AFF3: variants seen among roughly 807,000 people sequenced by gnomAD.
AFF3 encodes the protein ALF transcription elongation factor 3.
Under a neutral mutation model 129.7 loss-of-function variants are expected in AFF3, and 32 were observed. The observed-to-expected ratio is 0.25, with a 90% CI of 0.19 to 0.33. The LOEUF (loss-of-function observed/expected upper bound fraction) is 0.33. AFF3 is among the 10% of genes least tolerant of loss of function. The pLI, the probability that AFF3 is intolerant of heterozygous loss-of-function variation, is 1.00. For missense variants in AFF3, 1,373 were observed against 1,592.0 expected (o/e 0.86, Z 2.34); for synonymous variants, 644 against 635.4 (o/e 1.01, Z -0.20).
chr2:99,998,330 A>G (rs1681045233), intron 7 of AFF3, among the ~76,000 whole-genome samples: 1 of 152,138 alleles, frequency 6.6e-6, no homozygotes, highest in African/African-American at 2.4e-5. Context: ...GCACCCCAGG[A>G]GGGCACCATC....
chr2:99,599,324 T>G (rs1017032921), intron 14 of AFF3, among the ~76,000 whole-genome samples: 1 of 152,230 alleles, frequency 6.6e-6, no homozygotes, highest in Non-Finnish European at 1.5e-5. Flanking sequence ...AGTGGTGTGA[T>G]CTTGGCTCAC....
intron 8 of AFF3, 60 bp from the exon 9 acceptor site, chr2:99,752,361 T>C: frequency 1.4e-6 from 2 of 1,448,136 alleles, no homozygotes; most frequent in African/African-American, 1.4e-5. Flanking sequence ...AAATCAGCGG[T>C]ATGTAAAGCA....
At chr2:100,066,742 C>G (rs1687751466) in intron 4 of AFF3, among the ~76,000 whole-genome samples, 1 of 152,204 alleles carries the variant, frequency 6.6e-6, no homozygotes, top group Non-Finnish European at 1.5e-5. Context: ...TCTCTTCCAT[C>G]TTAGTTATAT....
chr2:100,022,619 C>A (rs1683688239), intron 4 of AFF3, among the ~76,000 whole-genome samples: 1 of 152,062 alleles, frequency 6.6e-6, no homozygotes, highest in South Asian at 2.1e-4. Flanking sequence ...GCCATGTTAG[C>A]CAGGCTGGTC....
In AFF3 at chr2:99,594,007, C is replaced by A. The variant is rs1289904713; in HGVS notation, c.1654G>T (p.Ala552Ser). 1.3e-6 allele frequency: 2 copies of A among 1,559,354 alleles called. No individual in the cohort carries two copies. The highest frequency in any genetic ancestry group is 2.7e-5 in the African/African-American group (2 of 72,948). Residue 552 changes from alanine to serine, a missense_variant, in exon 15 of 25, where the codon GCG (alanine) becomes TCG (serine). Ala to Ser is a moderately conservative substitution (Grantham distance 99, BLOSUM62 1). Transcript: ENST00000672756. ...GCGCTCACCGCCACGGCCACGGCCG[C>A]GGGCGGGGACTTCTGCTTCACGCCT... ...SKGVKQKSPP[A>S]AVAVAVSAAA...
At chr2:99,792,786 T>C (rs1160273064) in intron 8 of AFF3, among the ~76,000 whole-genome samples, 2 of 152,236 alleles carry the variant, frequency 1.3e-5, no homozygotes, top group Non-Finnish European at 2.9e-5. Context: ...TTTTTGTACG[T>C]TAAACCTTCT....
intron 8 of AFF3, among the ~76,000 whole-genome samples, chr2:99,816,798 G>A (rs570264113): frequency 3.3e-5 from 5 of 152,056 alleles, no homozygotes; most frequent in Admixed American, 2.6e-4. Flanking sequence ...CAGATATACC[G>A]TAATGTTAGG....
chr2:99,783,331 G>A (rs1684541791), intron 8 of AFF3, among the ~76,000 whole-genome samples: 1 of 152,196 alleles, frequency 6.6e-6, no homozygotes, highest in Admixed American at 6.5e-5. Context: ...TCTAGAGCCT[G>A]CCTATCCCAA....
chr2:100,092,361 G>A (rs910980534), intron 4 of AFF3, among the ~76,000 whole-genome samples: 71 of 151,990 alleles, frequency 4.7e-4, no homozygotes, highest in African/African-American at 1.5e-3. Context: ...CATCCTCACC[G>A]GCCCAGGCTA....
At chr2:99,624,309 T>C (rs935969969) in intron 13 of AFF3, among the ~76,000 whole-genome samples, 4 of 152,150 alleles carry the variant, frequency 2.6e-5, no homozygotes, top group Non-Finnish European at 5.9e-5. Context: ...TACAGAAAGC[T>C]CCATGGAGAC....
At chr2:99,978,493 C>T (rs1030626535) in intron 7 of AFF3, among the ~76,000 whole-genome samples, 2 of 152,198 alleles carry the variant, frequency 1.3e-5, no homozygotes, top group Non-Finnish European at 2.9e-5. Flanking sequence ...CAGCAGCTGA[C>T]ATGACAAATA....
intron 11 of AFF3, among the ~76,000 whole-genome samples, chr2:99,710,020 G>A (rs1677751663): frequency 6.6e-6 from 1 of 152,156 alleles, no homozygotes. Flanking sequence ...TAAAATCCTG[G>A]CTTGGCCATG....
chr2:99,620,187 G>A (rs1221909755), intron 13 of AFF3, among the ~76,000 whole-genome samples: 7 of 152,200 alleles, frequency 4.6e-5, no homozygotes, highest in Non-Finnish European at 8.8e-5. Flanking sequence ...ATTGGGCCTA[G>A]GAACCTGCAC....
rs189990548 is a variant in AFF3 at position 99,942,552 on chromosome 2, G to A, written c.873+64080C>T. Among the ~76,000 whole-genome samples, 1,377 of 138,260 alleles carry A rather than the reference G, an allele frequency of 1.0e-2. 37 individuals carry two copies. Among genetic ancestry groups the A allele is most frequent in the African/African-American group, 0.033 (1,294 of 39,082 alleles). 90.7% of individuals were successfully genotyped at this position (138,260 alleles called of 152,430 possible). On this transcript the variant is annotated intron_variant, in intron 7 of 24. Transcript: ENST00000672756. ...GAATTAAGTGGGGGGAGGGGCGGGG[G>A]GGGGGTCGCGGCACAGGGAATGGCC...
chr2:99,980,698 A>T (rs1679324445), intron 7 of AFF3, among the ~76,000 whole-genome samples: 1 of 152,220 alleles, frequency 6.6e-6, no homozygotes, highest in Admixed American at 6.5e-5. Flanking sequence ...CAGTCACTGT[A>T]TTGTATTTAA....
At chr2:99,806,121 A>G (rs1686330930) in intron 8 of AFF3, among the ~76,000 whole-genome samples, 1 of 152,212 alleles carries the variant, frequency 6.6e-6, no homozygotes, top group Admixed American at 6.5e-5. Context: ...TATGCATTGC[A>G]TCAGCCATGA....
At chr2:100,018,032 G>GTATATA (rs112153264) in intron 4 of AFF3, among the ~76,000 whole-genome samples, 54 of 150,042 alleles carry the variant, frequency 3.6e-4, no homozygotes, top group South Asian at 6.4e-4. Flanking sequence ...GTGTGTGTGT[G>GTATATA]TATATATATA....
At chr2:99,819,551 T>C (rs763220993) in intron 8 of AFF3, among the ~76,000 whole-genome samples, 6 of 152,238 alleles carry the variant, frequency 3.9e-5, no homozygotes, top group African/African-American at 9.6e-5. Context: ...CACAACCACA[T>C]TTGATGAATG....
intron 7 of AFF3, among the ~76,000 whole-genome samples, chr2:99,899,748 C>A (rs548237482): frequency 2.0e-5 from 3 of 152,264 alleles, no homozygotes; most frequent in Admixed American, 6.5e-5. Context: ...AAAGTCTGAG[C>A]CACATGGCCA....
Sources: allele counts gnomAD v4.1 joint callset (sites outside exome capture counted in the v4.1 genomes callset), GRCh38; gene constraint gnomAD v4.1.1; transcripts MANE v1.5; gene names NCBI Gene and HGNC (gene_info 2026-07-23, HGNC 2026-07-21).